FTCDNL1: variants seen among roughly 807,000 people sequenced by gnomAD.
FTCDNL1 encodes the protein formiminotransferase N-terminal subdomain-containing protein.
A neutral mutation model predicts 5.9 loss-of-function variants in FTCDNL1; 11 were observed. The observed-to-expected ratio is 1.87, with a 90% CI of 1.18 to 3.10. The LOEUF (loss-of-function observed/expected upper bound fraction) is 3.10, where lower values mean the gene tolerates loss of function less well. Ranked by LOEUF, FTCDNL1 falls within the 30% of genes most tolerant of loss-of-function variation. The pLI is 0.00. For synonymous variants in FTCDNL1, 58 were observed against 24.8 expected (o/e 2.34, Z -3.99); for missense variants, 115 against 65.5 (o/e 1.76, Z -2.61).
chr2:199,770,837 A>T (rs1698772705), intron 3 of FTCDNL1, among the ~76,000 whole-genome samples: 1 of 152,222 alleles, frequency 6.6e-6, no homozygotes, highest in Non-Finnish European at 1.5e-5. Context: ...ACCCACATTT[A>T]AAATATTCAT....
chr2:199,668,130 G>A, the FTCDNL1 span, among the ~76,000 whole-genome samples: 1 of 152,088 alleles, frequency 6.6e-6, no homozygotes, highest in East Asian at 1.9e-4. Flanking sequence ...TACACCACAC[G>A]CTTGACCACA....
At chr2:199,812,797 T>C in intron 4 of FTCDNL1, 73 bp from the exon 5 acceptor site, 2 of 660,760 alleles carry the variant, frequency 3.0e-6, no homozygotes, top group Middle Eastern at 2.4e-4. Flanking sequence ...TTTATCATTC[T>C]AAATATTGGT....
the FTCDNL1 span, among the ~76,000 whole-genome samples, chr2:199,732,047 A>C: frequency 1.3e-5 from 2 of 152,160 alleles, no homozygotes; most frequent in Non-Finnish European, 2.9e-5. Flanking sequence ...AATAATCCTC[A>C]CACCAAATCC....
chr2:199,738,885 C>G, the FTCDNL1 span, among the ~76,000 whole-genome samples: 2 of 152,188 alleles, frequency 1.3e-5, no homozygotes, highest in Non-Finnish European at 2.9e-5. Context: ...TCCAAAGGAA[C>G]TTTGTTTCTA....
intron 4 of FTCDNL1, chr2:199,818,639 T>A (rs1701496838): frequency 1.3e-5 from 2 of 151,924 alleles, no homozygotes; most frequent in African/African-American, 4.8e-5. Context: ...TTATAGACAA[T>A]ATTTGTTTAA....
intron 3 of FTCDNL1, among the ~76,000 whole-genome samples, chr2:199,767,783 A>C (rs1218028139): frequency 1.3e-5 from 2 of 152,216 alleles, no homozygotes; most frequent in Non-Finnish European, 2.9e-5. Flanking sequence ...TCAGAACCTT[A>C]ATCTTGGACT....
intron 3 of FTCDNL1, among the ~76,000 whole-genome samples, chr2:199,780,335 G>C (rs927313805): frequency 6.6e-6 from 1 of 152,170 alleles, no homozygotes; most frequent in African/African-American, 2.4e-5. Context: ...TCTGTTAAGA[G>C]CTGTGTTCTG....
At chr2:199,672,457 C>T in the FTCDNL1 span, among the ~76,000 whole-genome samples, 5 of 152,206 alleles carry the variant, frequency 3.3e-5, no homozygotes, top group East Asian at 9.7e-4. Context: ...ATATCTATGG[C>T]TGTATAGCAA....
chr2:199,786,230 G>A (rs1699640699), intron 3 of FTCDNL1, among the ~76,000 whole-genome samples: 1 of 151,578 alleles, frequency 6.6e-6, no homozygotes, highest in Non-Finnish European at 1.5e-5. Context: ...GGCATGAACA[G>A]TCTGGGCTAC....
At chr2:199,683,092 T>C in the FTCDNL1 span, among the ~76,000 whole-genome samples, 2 of 152,190 alleles carry the variant, frequency 1.3e-5, no homozygotes, top group African/African-American at 4.8e-5. Flanking sequence ...TCCATTCAGG[T>C]CTAAAGTTTT....
intron 3 of FTCDNL1, among the ~76,000 whole-genome samples, chr2:199,795,538 T>C (rs1700131863): frequency 6.6e-6 from 1 of 152,246 alleles, no homozygotes; most frequent in South Asian, 2.1e-4. Context: ...CTCCTGCCAC[T>C]AGAAAGCAAG....
Position 199,844,521 on chromosome 2 carries a change from G to A in FTCDNL1, c.211+1554C>T, listed in dbSNP as rs749334937. ...TGGAAGGCCTCTAGGCAGGCAGCCA[G>A]AACAGAACTGCCTAAAAATGCAAAA... is the stretch of plus-strand genomic sequence containing the variant. On this transcript the variant is annotated intron_variant, in intron 3 of 4. Coordinates refer to ENST00000420128, the MANE Select transcript of FTCDNL1 (RefSeq NM_001363886.2). 3.5e-5 allele frequency: 21 copies of A among 601,060 alleles called. No individual in the cohort carries two copies. The African/African-American group carries it at 3.9e-4, about 11-fold the overall frequency. 37.2% of individuals were successfully genotyped at this position (601,060 alleles called of 1,614,324 possible).
chr2:199,715,210 T>C, the FTCDNL1 span, among the ~76,000 whole-genome samples: 1 of 152,208 alleles, frequency 6.6e-6, no homozygotes, highest in South Asian at 2.1e-4. Flanking sequence ...TGAGCCACTG[T>C]TATTTTGTCT....
the FTCDNL1 span, among the ~76,000 whole-genome samples, chr2:199,682,145 G>A: frequency 1.1e-4 from 17 of 152,270 alleles, no homozygotes; most frequent in Non-Finnish European, 1.5e-4. Flanking sequence ...AGATTAACAT[G>A]TACATCAGTG....
the FTCDNL1 span, among the ~76,000 whole-genome samples, chr2:199,744,160 C>T: frequency 2.0e-5 from 3 of 152,214 alleles, no homozygotes; most frequent in East Asian, 1.9e-4. Flanking sequence ...AAAGGGCTGG[C>T]GAGGCCTCAG....
chr2:199,770,407 G>A (rs1279424045), intron 3 of FTCDNL1, among the ~76,000 whole-genome samples: 1 of 152,156 alleles, frequency 6.6e-6, no homozygotes, highest in Non-Finnish European at 1.5e-5. Context: ...GTCAGTGAGT[G>A]GCACATCTGG....
chr2:199,749,254 G>T, the FTCDNL1 span, among the ~76,000 whole-genome samples: 3 of 152,160 alleles, frequency 2.0e-5, no homozygotes, highest in Non-Finnish European at 4.4e-5. Context: ...TTCCTGAGGG[G>T]GTAGACAGCA....
chr2:199,699,486 T>A, the FTCDNL1 span, among the ~76,000 whole-genome samples: 1 of 151,622 alleles, frequency 6.6e-6, no homozygotes, highest in Non-Finnish European at 1.5e-5. Context: ...TTTGTACCAA[T>A]ACTACTGAAA....
chr2:199,733,946 GA>G, the FTCDNL1 span, among the ~76,000 whole-genome samples: 69 of 144,504 alleles, frequency 4.8e-4, no homozygotes, highest in South Asian at 1.1e-3. Flanking sequence ...TGGATTGAAG[GA>G]AAAAAAAAAA....
Sources: gnomAD v4.1 joint callset for allele counts (sites outside exome capture counted in the v4.1 genomes callset) on GRCh38, gnomAD v4.1.1 for gene constraint, MANE v1.5 for transcripts, NCBI Gene and HGNC (gene_info 2026-07-23, HGNC 2026-07-21) for gene names.